The following DYNC2H1 variants were observed in gnomAD, a reference collection of about 807,000 sequenced individuals.
DYNC2H1 encodes the protein dynein cytoplasmic 2 heavy chain 1.
A neutral mutation model predicts 570.0 loss-of-function variants in DYNC2H1; 410 were observed. That is an observed-to-expected ratio of 0.72 (90% confidence interval 0.66 to 0.78). DYNC2H1 has a LOEUF of 0.78. Ranked by LOEUF, DYNC2H1 falls within the 30% of genes least tolerant of loss-of-function variation. The probability of loss-of-function intolerance (pLI) is 0.00; values close to 1 mark genes in which losing one functional copy is unlikely to be tolerated. For missense variants in DYNC2H1, 4,865 were observed against 5,046.4 expected, an observed-to-expected ratio of 0.96 and a Z score of 1.09; for synonymous variants, 1,688 against 1,677.6, an observed-to-expected ratio of 1.01 and a Z score of -0.15.
intron 54 of DYNC2H1, among the ~76,000 whole-genome samples, chr11:103,213,908 C>T (rs184979360): frequency 1.3e-4 from 20 of 152,240 alleles, no homozygotes; most frequent in Non-Finnish European, 2.6e-4. Context: ...TTGCCTAAAC[C>T]AATGTCCTGG....
chr11:103,415,910 TCAATGA>T (rs1234314120), intron 84 of DYNC2H1, among the ~76,000 whole-genome samples: 1 of 152,190 alleles, frequency 6.6e-6, no homozygotes, highest in Admixed American at 6.5e-5. Flanking sequence ...CAAATGTCTA[TCAATGA>T]TAGACTGGAT....
chr11:103,459,224 G>A (rs1944907478), intron 87 of DYNC2H1, among the ~76,000 whole-genome samples: 1 of 144,640 alleles, frequency 6.9e-6, no homozygotes, highest in Non-Finnish European at 1.5e-5. Context: ...CAGGAGAATG[G>A]CGTGAACCCG....
intron 63 of DYNC2H1, among the ~76,000 whole-genome samples, chr11:103,237,331 T>C (rs1231534928): frequency 1.3e-5 from 2 of 151,986 alleles, no homozygotes; most frequent in African/African-American, 4.8e-5. Context: ...AGCATGAACA[T>C]TAAACATGCT....
chr11:103,235,156 G>A (rs927412343), intron 61 of DYNC2H1, among the ~76,000 whole-genome samples: 3 of 151,824 alleles, frequency 2.0e-5, no homozygotes, highest in Non-Finnish European at 4.4e-5. Flanking sequence ...AATGGCTCAC[G>A]TCACAGTTTA....
At chr11:103,212,804 C>T (rs542941807) in intron 54 of DYNC2H1, among the ~76,000 whole-genome samples, 15 of 152,058 alleles carry the variant, frequency 9.9e-5, no homozygotes, top group African/African-American at 3.1e-4. Context: ...ACTAACTATA[C>T]GGGCTTTGGG....
intron 70 of DYNC2H1, among the ~76,000 whole-genome samples, chr11:103,279,484 T>C (rs910094314): frequency 3.9e-5 from 6 of 152,158 alleles, no homozygotes; most frequent in Admixed American, 2.6e-4. Flanking sequence ...CCTTCTTTCT[T>C]TTTATTTTGT....
intron 82 of DYNC2H1, among the ~76,000 whole-genome samples, chr11:103,338,036 A>G (rs1404615509): frequency 6.6e-6 from 1 of 152,090 alleles, no homozygotes; most frequent in African/African-American, 2.4e-5. Flanking sequence ...TCTTTAATCC[A>G]TTTTGATTTT....
chr11:103,143,083 A>G (rs1176630993), intron 17 of DYNC2H1, among the ~76,000 whole-genome samples, 185 bp from the exon 18 acceptor site: 1 of 152,232 alleles, frequency 6.6e-6, no homozygotes, highest in African/African-American at 2.4e-5. Context: ...CTGCATTTGC[A>G]TATTAAATCT....
chr11:103,340,977 G>T (rs12577067), intron 82 of DYNC2H1, among the ~76,000 whole-genome samples: 13,375 of 151,924 alleles, frequency 0.088, 957 homozygotes, highest in East Asian at 0.19. Context: ...AGCAGAATTT[G>T]GGCATTAAGT....
chr11:103,197,980 G>T lies in DYNC2H1; in HGVS notation c.7756G>T (p.Ala2586Ser). 1 of 1,567,378 alleles carries T rather than the reference G, an allele frequency of 6.4e-7. No homozygotes were observed. Among genetic ancestry groups the T allele is most frequent in the East Asian group, 2.4e-5 (1 of 42,366 alleles). ...AGCTCGGCATAATTCAGGAGCAAGGGCAGCCCCAGGACAACCATTACCTCC... is the reference window on the plus strand; with the variant it reads ...AGCTCGGCATAATTCAGGAGCAAGGTCAGCCCCAGGACAACCATTACCTCC... The part of the protein sequence containing the change: ...WGARHNSGAR[A>S]APGQPLPPHG... The change falls in exon 48 of 89, where the codon GCA becomes TCA. Residue 2586 changes from alanine (A) to serine (S), a missense_variant. Around this residue, in one of 5 missense-constraint regions of DYNC2H1, gnomAD observed 2,401 missense variants for 2,454.6 expected, o/e 0.98. Transcript: ENST00000375735.
At position 103,209,791 on chromosome 11, in the gene DYNC2H1, A is replaced by G. The variant is rs1863075083; in HGVS notation, c.8455-85A>G. 3 of 1,054,622 alleles carry G rather than the reference A, an allele frequency of 2.8e-6. No homozygotes were observed. Among genetic ancestry groups the G allele is most frequent in the South Asian group, 2.2e-5 (1 of 44,940 alleles). The allele number at this position is 1,054,622 out of a possible 1,614,324, so 65.3% of individuals were successfully genotyped here. On this transcript the variant is annotated intron_variant, in intron 52 of 88. Transcript: ENST00000375735. This position sits in a 1 kb window ranked among gnomAD's most constrained non-coding sequence, Gnocchi z 4.2. The stretch of plus-strand genomic sequence containing the variant: ...GAATCCTAGAAGAAAAGTACAATCA[A>G]TACTGACTTTTTTTGTATTAAAGGT...
At chr11:103,155,566 A>G in intron 25 of DYNC2H1, 65 bp downstream of exon 25, 1 of 1,466,010 alleles carries the variant, frequency 6.8e-7, no homozygotes, top group Non-Finnish European at 9.1e-7. Flanking sequence ...ATTGCTTCAT[A>G]TTTTGTTTAA....
chr11:103,478,900 G>C (rs1945653939), intron 88 of DYNC2H1, among the ~76,000 whole-genome samples, 195 bp from the exon 89 acceptor site: 1 of 152,058 alleles, frequency 6.6e-6, no homozygotes, highest in African/African-American at 2.4e-5. Context: ...CCAATGTTTG[G>C]GGCTAGGGAG....
At chr11:103,290,865 G>A (rs926605308) in intron 75 of DYNC2H1, among the ~76,000 whole-genome samples, 2 of 152,102 alleles carry the variant, frequency 1.3e-5, no homozygotes, top group Admixed American at 1.3e-4. Flanking sequence ...TATGATGAAA[G>A]GAGAAAGATA....
At chr11:103,152,393 C>A in intron 21 of DYNC2H1, 108 bp downstream of exon 21, 2 of 1,069,424 alleles carry the variant, frequency 1.9e-6, no homozygotes, top group South Asian at 1.8e-5. Context: ...TTTAATGTGG[C>A]TGTTGAAATT....
Position 103,256,664 on chromosome 11 carries a change from T to G in DYNC2H1, c.10461+424T>G, listed in dbSNP as rs1193418947. Among the ~76,000 whole-genome samples the G allele has an allele frequency of 1.3e-5, 2 of 152,192 alleles. No homozygotes were observed. Among genetic ancestry groups the G allele is most frequent in the African/African-American group, 4.8e-5 (2 of 41,452 alleles). On this transcript the variant is annotated intron_variant, in intron 68 of 88. Coordinates refer to ENST00000375735, the MANE Select transcript of DYNC2H1 (RefSeq NM_001377.3). The surrounding 1 kb of genome is among the most constrained non-coding windows in gnomAD (Gnocchi z 4.0). Reference sequence around the variant, plus strand: ...TTATTGGCTCTTTTCATGCTTATAATGAACAGTGCTGGGTACTTTATTATC... The same window carrying G: ...TTATTGGCTCTTTTCATGCTTATAAGGAACAGTGCTGGGTACTTTATTATC...
chr11:103,136,580 A>G (rs1859568720), intron 17 of DYNC2H1, among the ~76,000 whole-genome samples: 1 of 152,318 alleles, frequency 6.6e-6, no homozygotes, highest in African/African-American at 2.4e-5. Flanking sequence ...GCTGCATAGT[A>G]TTCCATGGTG....
At chr11:103,393,453 C>A (rs902485898) in intron 83 of DYNC2H1, among the ~76,000 whole-genome samples, 1 of 151,988 alleles carries the variant, frequency 6.6e-6, no homozygotes, top group Non-Finnish European at 1.5e-5. Context: ...TATTAATGTG[C>A]CATCTTTTCT....
rs1449883941 is a variant in DYNC2H1 at position 103,165,910 on chromosome 11, G to A, written c.4624G>A (p.Ala1542Thr). The change falls in exon 31 of 89, where the codon GCG becomes ACG. Residue 1542 changes from alanine (A) to threonine (T), a missense_variant. By Grantham distance (58) the Ala-to-Thr change is moderately conservative (BLOSUM62 0). Coordinates refer to ENST00000375735, the MANE Select transcript of DYNC2H1 (RefSeq NM_001377.3). ...CTTTATTCAATAGATTTTATGCTTGGCGGAGCAGATTAAATTCACTGAAGA... is the reference window on the plus strand; with the variant it reads ...CTTTATTCAATAGATTTTATGCTTGACGGAGCAGATTAAATTCACTGAAGA... ...SLFPSQILCL[A>T]EQIKFTEDVE... 2 of 1,494,410 alleles carry A rather than the reference G, an allele frequency of 1.3e-6. No homozygotes were observed. The allele number at this position is 1,494,410 out of a possible 1,614,324, so 92.6% of individuals were successfully genotyped here. A position where few individuals can be genotyped will look rare whatever the true frequency, so the allele number is the denominator to read the frequency against.
Sources: allele counts gnomAD v4.1 joint callset (sites outside exome capture counted in the v4.1 genomes callset), GRCh38; gene constraint gnomAD v4.1.1; regional missense constraint gnomAD v4.1.1; non-coding constraint Gnocchi (gnomAD v3.1); transcripts MANE v1.5; gene names NCBI Gene and HGNC (gene_info 2026-07-23, HGNC 2026-07-21).